The following DENND4A variants were observed in gnomAD, a reference collection of about 807,000 sequenced individuals.
DENND4A encodes the protein DENN domain containing 4A.
A neutral mutation model predicts 199.3 loss-of-function variants in DENND4A; 70 were observed. The ratio of observed to expected loss-of-function variants is 0.35; its 90% confidence interval spans 0.29 to 0.43. DENND4A has a LOEUF of 0.43. Ranked by LOEUF, DENND4A falls within the 20% of genes least tolerant of loss-of-function variation. The probability of loss-of-function intolerance (pLI) is 1.00; values close to 1 mark genes in which losing one functional copy is unlikely to be tolerated. For missense variants in DENND4A, 1,723 were observed against 2,255.8 expected, an observed-to-expected ratio of 0.76 and a Z score of 4.78; for synonymous variants, 686 against 766.9, an observed-to-expected ratio of 0.89 and a Z score of 1.74.
In DENND4A at chr15:65,671,300, C is replaced by A. The variant is rs555870716; in HGVS notation, c.4464+492G>T. Among the ~76,000 whole-genome samples, 6 of 152,296 alleles carry A rather than the reference C, an allele frequency of 3.9e-5. No homozygotes were observed. In the East Asian group the frequency reaches 9.6e-4, roughly 24 times the overall value. On this transcript the variant is annotated intron_variant, in intron 25 of 32. Transcript: ENST00000443035. ...AATAAGTTAGTATGACTTCAATAAT[C>A]TGAAATACTGGATATCCAAAAGCTA...
intron 27 of DENND4A, among the ~76,000 whole-genome samples, chr15:65,668,580 G>A (rs1177224340): frequency 2.0e-5 from 3 of 152,096 alleles, no homozygotes; most frequent in Non-Finnish European, 4.4e-5. Flanking sequence ...CAGCACTTTG[G>A]GAGGCTGAGG....
intron 7 of DENND4A, among the ~76,000 whole-genome samples, chr15:65,735,372 T>A (rs145636276): frequency 1.1e-4 from 16 of 152,232 alleles, no homozygotes; most frequent in African/African-American, 3.4e-4. Flanking sequence ...AACCAGACTC[T>A]GTGTCAAAAA....
Position 65,690,895 on chromosome 15 carries a change from T to C in DENND4A, c.3699A>G (p.Glu1233=). The change falls in exon 23 of 33, where the codon GAA becomes GAG. Residue 1233 remains glutamate, a synonymous_variant. Transcript: ENST00000443035. The part of the protein sequence containing the change: ...QQQKEEEEED[E]DDSKSISTPS... Reference sequence around the variant, plus strand: ...GTGTTGAAATGCTTTTGCTATCATCTTCATCCTCCTCCTCTTCTTCTTTTT... The same window carrying C: ...GTGTTGAAATGCTTTTGCTATCATCCTCATCCTCCTCCTCTTCTTCTTTTT... The C allele has an allele frequency of 6.2e-7, 1 of 1,609,230 alleles. No individual in the cohort carries two copies. Among genetic ancestry groups the C allele is most frequent in the Non-Finnish European group, 8.5e-7 (1 of 1,177,736 alleles).
intron 5 of DENND4A, among the ~76,000 whole-genome samples, chr15:65,740,284 A>C (rs530883115): frequency 2.0e-5 from 3 of 151,698 alleles, no homozygotes; most frequent in African/African-American, 7.2e-5. Flanking sequence ...ATCTCCCAAA[A>C]AAAAAAAAAG....
At chr15:65,707,601 G>A (rs182859346) in intron 14 of DENND4A, among the ~76,000 whole-genome samples, 8 of 151,908 alleles carry the variant, frequency 5.3e-5, no homozygotes, top group African/African-American at 1.2e-4. Context: ...ATTAGGACAC[G>A]ATTCAGAATT....
chr15:65,788,564 CT>C (rs2077629228), intron 1 of DENND4A, among the ~76,000 whole-genome samples: 1 of 151,500 alleles, frequency 6.6e-6, no homozygotes, highest in African/African-American at 2.4e-5. Context: ...TCAATGTCTT[CT>C]TTGTAATTAT....
intron 14 of DENND4A, among the ~76,000 whole-genome samples, chr15:65,714,735 T>C (rs1472129840): frequency 6.6e-6 from 1 of 152,222 alleles, no homozygotes; most frequent in Non-Finnish European, 1.5e-5. Context: ...TCATCCTGTT[T>C]AGGTTCTGAC....
chr15:65,742,757 T>A (rs2076293580), intron 4 of DENND4A, among the ~76,000 whole-genome samples: 1 of 152,302 alleles, frequency 6.6e-6, no homozygotes, highest in East Asian at 1.9e-4. Context: ...TTCTTAAGAT[T>A]ATTTATCATT....
intron 4 of DENND4A, among the ~76,000 whole-genome samples, chr15:65,751,710 A>C (rs1341970221): frequency 5.9e-5 from 9 of 152,196 alleles, no homozygotes; most frequent in Admixed American, 5.9e-4. Flanking sequence ...CACTGTTTCA[A>C]GAAGGAAGAA....
At chr15:65,722,117 T>C (rs1036276468) in intron 12 of DENND4A, among the ~76,000 whole-genome samples, 4 of 152,186 alleles carry the variant, frequency 2.6e-5, no homozygotes, top group African/African-American at 9.6e-5. Context: ...ACCCCACTGA[T>C]ACCATCAGCA....
At chr15:65,767,622 TA>T (rs1433275624) in intron 1 of DENND4A, among the ~76,000 whole-genome samples, 1 of 152,136 alleles carries the variant, frequency 6.6e-6, no homozygotes, top group Non-Finnish European at 1.5e-5. Context: ...GAATAATTTT[TA>T]AAATGCAACT....
chr15:65,667,278 C>T (rs933672925), intron 29 of DENND4A, among the ~76,000 whole-genome samples, 171 bp downstream of exon 29: 3 of 152,140 alleles, frequency 2.0e-5, no homozygotes, highest in South Asian at 2.1e-4. Context: ...TGCAGTGAGC[C>T]GAGATAGTGC....
intron 15 of DENND4A, among the ~76,000 whole-genome samples, chr15:65,703,299 A>C (rs531900875): frequency 2.0e-5 from 3 of 152,364 alleles, no homozygotes; most frequent in Admixed American, 6.5e-5. Flanking sequence ...GCAAACTTTT[A>C]AAAGTTAGTA....
At chr15:65,787,342 G>C (rs1486426858) in intron 1 of DENND4A, among the ~76,000 whole-genome samples, 1 of 152,092 alleles carries the variant, frequency 6.6e-6, no homozygotes, top group African/African-American at 2.4e-5. Flanking sequence ...AAGTATATCA[G>C]AAACAGTATC....
chr15:65,779,144 C>T (rs1471892073), intron 1 of DENND4A, among the ~76,000 whole-genome samples: 1 of 151,576 alleles, frequency 6.6e-6, no homozygotes, highest in East Asian at 2.0e-4. Flanking sequence ...CTTTGTTAAT[C>T]TCAAGATACA....
rs537728977 is a variant in DENND4A at position 65,756,246 on chromosome 15, T to A, written c.205A>T (p.Thr69Ser). Residue 69 changes from threonine (T) to serine (S), a missense_variant, in exon 3 of 33, where the codon ACC (threonine) becomes TCC (serine). Physicochemically the swap from Thr to Ser is moderately conservative, Grantham distance 58. Transcript: ENST00000443035. ...AGATCAGCTGACAATCCAGTTGGGG[T>A]AACATCAATACAGATATAATCCTGT... is the stretch of plus-strand genomic sequence containing the variant. ...VPQDYICIDV[T>S]PTGLSADLNN... 6.2e-6 allele frequency: 10 copies of A among 1,612,708 alleles called. No individual in the cohort carries two copies. In the South Asian group the frequency reaches 1.1e-4, roughly 18 times the overall value.
At chr15:65,753,609 T>G (rs1261134639) in intron 3 of DENND4A, among the ~76,000 whole-genome samples, 2 of 152,216 alleles carry the variant, frequency 1.3e-5, no homozygotes, top group African/African-American at 4.8e-5. Context: ...TCTGTCTGCC[T>G]CGGCCTCCCA....
In DENND4A at chr15:65,738,601, A is replaced by G. The variant is rs904253736; in HGVS notation, c.801+105T>C. 3 of 985,376 alleles carry G rather than the reference A, an allele frequency of 3.0e-6. No homozygotes were observed. The South Asian group carries it at 6.0e-5, about 20-fold the overall frequency. The allele number at this position is 985,376 out of a possible 1,614,324, so 61.0% of individuals were successfully genotyped here. A position where few individuals can be genotyped will look rare whatever the true frequency, so the allele number is the denominator to read the frequency against. On this transcript the variant is annotated intron_variant, in intron 6 of 32. Coordinates refer to ENST00000443035, the MANE Select transcript of DENND4A (RefSeq NM_001320835.1). ...ATTTTAATCAACTGGAAAAGTATGC[A>G]TAATCATTCAATTTAATCAGTTTTT...
At chr15:65,781,825 T>C (rs931124640) in intron 1 of DENND4A, among the ~76,000 whole-genome samples, 1 of 152,122 alleles carries the variant, frequency 6.6e-6, no homozygotes, top group Non-Finnish European at 1.5e-5. Flanking sequence ...CTTAGAACAA[T>C]GTGAAGGCTG....
Sources: gnomAD v4.1 joint callset for allele counts (sites outside exome capture counted in the v4.1 genomes callset) on GRCh38, gnomAD v4.1.1 for gene constraint, MANE v1.5 for transcripts, NCBI Gene and HGNC (gene_info 2026-07-23, HGNC 2026-07-21) for gene names.